The following PTPN22 variants were observed in gnomAD, a reference collection of about 807,000 sequenced individuals.
PTPN22 encodes tyrosine-protein phosphatase non-receptor type 22.
In PTPN22, 85 loss-of-function variants were observed where a neutral mutation model predicts 103.3. That is an observed-to-expected ratio of 0.82 (90% CI 0.69 to 0.99). The LOEUF is 0.99. Among genes scored for constraint, PTPN22 ranks in the 50% least tolerant of loss-of-function variants. The pLI is 0.00. For missense variants in PTPN22, 865 were observed against 936.9 expected, an observed-to-expected ratio of 0.92 and a Z score of 1.00; for synonymous variants, 323 against 310.2, an observed-to-expected ratio of 1.04 and a Z score of -0.43.
intron 10 of PTPN22, among the ~76,000 whole-genome samples, chr1:113,849,082 T>C (rs2102043796): frequency 6.6e-6 from 1 of 152,342 alleles, no homozygotes; most frequent in Middle Eastern, 3.4e-3. Context: ...TTTAATTTGG[T>C]CCTCACAATT....
chr1:113,838,364 T>C (rs369345357), exon 13 of PTPN22: 22 of 1,596,504 alleles, frequency 1.4e-5, no homozygotes, highest in Non-Finnish European at 1.8e-5. Flanking sequence ...TTGATTTCCA[T>C]TTTTGTCCTT....
intron 13 of PTPN22, among the ~76,000 whole-genome samples, 166 bp from the exon 14 acceptor site, chr1:113,835,159 A>G (rs1047514633): frequency 1.1e-4 from 17 of 152,196 alleles, no homozygotes; most frequent in African/African-American, 4.1e-4. Flanking sequence ...AAAAAGCAAA[A>G]TAAATTCTCT....
At chr1:113,868,654 G>C (rs1018621547) in intron 1 of PTPN22, among the ~76,000 whole-genome samples, 16 of 152,070 alleles carry the variant, frequency 1.1e-4, no homozygotes, top group African/African-American at 3.9e-4. Context: ...TTAAAATCAG[G>C]AGCTAGAAAA....
intron 12 of PTPN22, 44 bp downstream of exon 12, chr1:113,838,500 C>T: frequency 3.1e-6 from 5 of 1,604,838 alleles, no homozygotes; most frequent in Non-Finnish European, 4.3e-6. Flanking sequence ...ATTCATCTCC[C>T]AGACACAATT....
chr1:113,863,921 A>T (rs1256433659), intron 1 of PTPN22, among the ~76,000 whole-genome samples: 2 of 96,212 alleles, frequency 2.1e-5, no homozygotes, highest in Non-Finnish European at 4.0e-5. Flanking sequence ...ATATATATAT[A>T]TATATATTTT....
chr1:113,815,722 A>G (rs1661093485), intron 20 of PTPN22, among the ~76,000 whole-genome samples: 1 of 152,216 alleles, frequency 6.6e-6, no homozygotes. Flanking sequence ...TCTGTCGCCC[A>G]GGCTGGAGTG....
chr1:113,838,489 G>A, intron 12 of PTPN22, 55 bp downstream of exon 12: 1 of 1,603,078 alleles, frequency 6.2e-7, no homozygotes. Context: ...ATAAGCATGA[G>A]ATTCATCTCC....
exon 13 of PTPN22, chr1:113,838,350 T>C: frequency 6.3e-7 from 1 of 1,599,512 alleles, no homozygotes. Context: ...AGGAAGAAGA[T>C]TCTTTGATTT....
At chr1:113,814,890 A>AAAAATAT in exon 21 of PTPN22, 1 of 1,572,426 alleles carries the variant, frequency 6.4e-7, no homozygotes, top group Non-Finnish European at 8.7e-7. Context: ...ATATTATTAT[A>AAAAATAT]AATCTGGAGT....
chr1:113,847,322 TC>T, intron 11 of PTPN22, among the ~76,000 whole-genome samples: 1 of 151,728 alleles, frequency 6.6e-6, no homozygotes, highest in East Asian at 1.9e-4. Context: ...ATATTTTCAT[TC>T]TTTTTATTGT....
At chr1:113,834,213 G>T (rs1455772277) in intron 15 of PTPN22, 96 bp downstream of exon 15, 11 of 1,272,508 alleles carry the variant, frequency 8.6e-6, no homozygotes, top group African/African-American at 4.5e-5. Context: ...TTTAGTATGT[G>T]CTTAGGATTT....
intron 19 of PTPN22, among the ~76,000 whole-genome samples, chr1:113,824,447 T>C (rs1340118602): frequency 1.3e-5 from 2 of 152,204 alleles, no homozygotes; most frequent in Non-Finnish European, 2.9e-5. Flanking sequence ...ATTTCTAAGA[T>C]AATTTTCCAC....
At chr1:113,863,927 A>ATT (rs1192566742) in intron 1 of PTPN22, among the ~76,000 whole-genome samples, 103 of 118,618 alleles carry the variant, frequency 8.7e-4, no homozygotes, top group African/African-American at 2.0e-3. Context: ...ATATATATAT[A>ATT]TTTTTTTTTG....
At chr1:113,826,027 T>A (rs1263915649) in intron 18 of PTPN22, among the ~76,000 whole-genome samples, 7 of 152,018 alleles carry the variant, frequency 4.6e-5, no homozygotes, top group Admixed American at 2.6e-4. Flanking sequence ...AATTTTTTTT[T>A]AATTATGCTA....
exon 6 of PTPN22, chr1:113,856,614 C>A (rs760774578): frequency 1.9e-6 from 3 of 1,614,126 alleles, no homozygotes; most frequent in East Asian, 4.5e-5. Context: ...AGCGCTCACA[C>A]TTTTTCTGTT....
chr1:113,832,138 G>A (rs189335493), intron 16 of PTPN22, among the ~76,000 whole-genome samples: 39 of 152,222 alleles, frequency 2.6e-4, no homozygotes, highest in Non-Finnish European at 2.9e-4. Context: ...TCATAGACCA[G>A]GGATTTGACT....
rs35424386 is a variant in PTPN22, at chr1:113,824,966, CAAA to C, written c.2281+173_2281+175del. Among the ~76,000 whole-genome samples, 7 of 65,156 alleles carry C rather than the reference CAAA, an allele frequency of 1.1e-4. No homozygotes were observed. In the South Asian group the frequency reaches 2.1e-3, roughly 19 times the overall value. The allele number at this position is 65,156 out of a possible 152,430, so 42.7% of individuals were successfully genotyped here. On this transcript the variant is annotated intron_variant, in intron 19 of 20. Transcript: ENST00000359785. The stretch of plus-strand genomic sequence containing the variant: ...CCAATATTAGTATTGTGAAGCCTAG[CAAA>C]AAAAAAAAAAAAAAAAAAAGGAGGC...
chr1:113,828,843 C>A (rs1394707107), intron 18 of PTPN22, among the ~76,000 whole-genome samples: 3 of 151,970 alleles, frequency 2.0e-5, no homozygotes, highest in Non-Finnish European at 4.4e-5. Context: ...TGCCATGTTG[C>A]CCAGGCTGGT....
At chr1:113,843,686 T>C (rs1262809546) in intron 11 of PTPN22, among the ~76,000 whole-genome samples, 1 of 152,230 alleles carries the variant, frequency 6.6e-6, no homozygotes, top group East Asian at 1.9e-4. Context: ...ATTAAAATGA[T>C]ATATTATACC....
Sources: allele counts gnomAD v4.1 joint callset (sites outside exome capture counted in the v4.1 genomes callset), GRCh38; gene constraint gnomAD v4.1.1; transcripts MANE v1.5; gene names NCBI Gene and HGNC (gene_info 2026-07-23, HGNC 2026-07-21).